COL5A2: variants seen among roughly 807,000 people sequenced by gnomAD.
The protein encoded by COL5A2 is collagen alpha-2(V) chain.
Under a neutral mutation model 208.2 loss-of-function variants are expected in COL5A2, and 23 were observed. That is an observed-to-expected ratio of 0.11 (90% CI 0.08 to 0.16). COL5A2 has a LOEUF of 0.16. COL5A2 is among the 10% of genes least tolerant of loss of function. COL5A2 has a pLI of 1.00. For synonymous variants in COL5A2, 625 were observed against 628.5 expected (o/e 0.99, Z 0.08); for missense variants, 1,590 against 1,956.4 (o/e 0.81, Z 3.53).
chr2:189,311,309 T>C, the COL5A2 span: 1 of 1,190,440 alleles, frequency 8.4e-7, no homozygotes, highest in Non-Finnish European at 1.2e-6. Flanking sequence ...CACTTGGCCA[T>C]CCACTATCTG....
At chr2:189,316,305 G>C in the COL5A2 span, among the ~76,000 whole-genome samples, 1 of 152,106 alleles carries the variant, frequency 6.6e-6, no homozygotes, top group Non-Finnish European at 1.5e-5. Flanking sequence ...CATGTTCTTT[G>C]CAGGGACATG....
At chr2:189,156,492 A>G (rs1688250017) in intron 1 of COL5A2, among the ~76,000 whole-genome samples, 1 of 152,186 alleles carries the variant, frequency 6.6e-6, no homozygotes, top group Non-Finnish European at 1.5e-5. Context: ...CAAGACTTGA[A>G]AGTTTCAATT....
At chr2:189,375,710 A>G in the COL5A2 span, among the ~76,000 whole-genome samples, 24 of 152,254 alleles carry the variant, frequency 1.6e-4, no homozygotes, top group African/African-American at 5.5e-4. Flanking sequence ...AAAGTGGTTA[A>G]TAAGAAATAC....
intron 1 of COL5A2, among the ~76,000 whole-genome samples, chr2:189,111,945 A>C (rs546668086): frequency 6.6e-6 from 1 of 151,584 alleles, no homozygotes; most frequent in African/African-American, 2.4e-5. Flanking sequence ...AGCTCATTGC[A>C]ACCTCCGCTT....
the COL5A2 span, among the ~76,000 whole-genome samples, chr2:189,363,043 G>C: frequency 6.6e-6 from 1 of 151,602 alleles, no homozygotes; most frequent in Admixed American, 6.6e-5. Flanking sequence ...TTAAATAGAA[G>C]AAAACATACT....
chr2:189,389,361 TG>T, the COL5A2 span, among the ~76,000 whole-genome samples: 1 of 152,176 alleles, frequency 6.6e-6, no homozygotes, highest in African/African-American at 2.4e-5. Context: ...TGGGAAGCAA[TG>T]TTCAGACAAA....
chr2:189,355,935 T>C, the COL5A2 span, among the ~76,000 whole-genome samples: 5 of 152,218 alleles, frequency 3.3e-5, no homozygotes, highest in Non-Finnish European at 4.4e-5. Flanking sequence ...TTTCCATGTT[T>C]AGTGTTTCCT....
At chr2:189,338,745 TATAAA>T in the COL5A2 span, among the ~76,000 whole-genome samples, 4 of 149,046 alleles carry the variant, frequency 2.7e-5, no homozygotes, top group Non-Finnish European at 5.9e-5. Context: ...AATTTTATAT[TATAAA>T]ATAAAATATG....
chr2:189,234,322 T>C, the COL5A2 span, among the ~76,000 whole-genome samples: 1 of 151,778 alleles, frequency 6.6e-6, no homozygotes, highest in African/African-American at 2.4e-5. Context: ...TAAGGAATTA[T>C]ATTTCCCTTT....
intron 1 of COL5A2, among the ~76,000 whole-genome samples, chr2:189,118,357 T>C (rs1687437088): frequency 1.3e-5 from 2 of 152,022 alleles, no homozygotes; most frequent in Non-Finnish European, 2.9e-5. Flanking sequence ...CATAAAACAT[T>C]TTAGAATCAA....
chr2:189,373,829 C>T, the COL5A2 span, among the ~76,000 whole-genome samples: 1 of 152,194 alleles, frequency 6.6e-6, no homozygotes, highest in East Asian at 1.9e-4. Flanking sequence ...GAAAATGAGT[C>T]GGTTCTATAA....
intron 29 of COL5A2, among the ~76,000 whole-genome samples, chr2:189,061,835 T>C (rs903994989): frequency 3.9e-5 from 6 of 152,202 alleles, no homozygotes; most frequent in Non-Finnish European, 8.8e-5. Flanking sequence ...ACTGATAACA[T>C]GTATTTATTT....
At chr2:189,342,680 C>CACA in the COL5A2 span, among the ~76,000 whole-genome samples, 17 of 128,244 alleles carry the variant, frequency 1.3e-4, no homozygotes, top group African/African-American at 5.0e-4. Context: ...CACACACACA[C>CACA]AATAAATATG....
chr2:189,073,015 AT>A (rs1374289206), intron 17 of COL5A2, among the ~76,000 whole-genome samples: 1 of 152,026 alleles, frequency 6.6e-6, no homozygotes, highest in Non-Finnish European at 1.5e-5. Flanking sequence ...AAATGTACAT[AT>A]TTTTTCATCC....
At chr2:189,326,890 G>C in the COL5A2 span, among the ~76,000 whole-genome samples, 2 of 151,882 alleles carry the variant, frequency 1.3e-5, no homozygotes, top group Non-Finnish European at 2.9e-5. Flanking sequence ...GTCCAGCATG[G>C]TGAAACCACA....
chr2:189,355,974 G>T, the COL5A2 span, among the ~76,000 whole-genome samples: 2 of 152,110 alleles, frequency 1.3e-5, no homozygotes, highest in Admixed American at 1.3e-4. Flanking sequence ...CAGGCCTGGT[G>T]GTGACAAAAT....
chr2:189,153,616 G>A (rs1469057566), intron 1 of COL5A2, among the ~76,000 whole-genome samples: 1 of 152,164 alleles, frequency 6.6e-6, no homozygotes, highest in African/African-American at 2.4e-5. Context: ...AAGCTTGGGT[G>A]TGCATCCTCA....
At chr2:189,352,813 T>C in the COL5A2 span, among the ~76,000 whole-genome samples, 1 of 152,228 alleles carries the variant, frequency 6.6e-6, no homozygotes, top group Admixed American at 6.5e-5. Context: ...TTTGTCAATG[T>C]TGGCTTCTGT....
At chr2:189,325,587 G>A in the COL5A2 span, among the ~76,000 whole-genome samples, 15 of 151,948 alleles carry the variant, frequency 9.9e-5, no homozygotes, top group Admixed American at 6.6e-5. Flanking sequence ...ATGTTTGTGT[G>A]TGTAATCTGC....
Sources: allele counts gnomAD v4.1 joint callset (sites outside exome capture counted in the v4.1 genomes callset), GRCh38; gene constraint gnomAD v4.1.1; transcripts MANE v1.5; gene names NCBI Gene and HGNC (gene_info 2026-07-23, HGNC 2026-07-21).